The following MEIS3 variants were observed in gnomAD, a reference collection of about 807,000 sequenced individuals.
MEIS3 encodes the protein homeobox protein Meis3.
MEIS3 carries 38 observed loss-of-function variants against 51.4 expected under a neutral mutation model. The ratio of observed to expected loss-of-function variants is 0.74; its 90% CI spans 0.57 to 0.97. MEIS3 has a LOEUF of 0.97. MEIS3 is among the 50% of genes least tolerant of loss of function. MEIS3 has a pLI of 0.00. For synonymous variants in MEIS3, 198 were observed against 201.8 expected (o/e 0.98, Z 0.16); for missense variants, 456 against 502.6 (o/e 0.91, Z 0.89).
chr19:47,415,571 CTCTTTTTT>C (rs1246689711), intron 4 of MEIS3, among the ~76,000 whole-genome samples: 3 of 122,176 alleles, frequency 2.5e-5, no homozygotes, highest in Admixed American at 8.5e-5. Context: ...CTCTCTCTCT[CTCTTTTTT>C]TTTTTTTTTT....
upstream of MEIS3, among the ~76,000 whole-genome samples, chr19:47,420,797 G>A (rs375001090): frequency 3.7e-4 from 56 of 151,498 alleles, 1 homozygote; most frequent in African/African-American, 9.5e-4. Context: ...GGCGGGGGAC[G>A]GAGGGAGCAG....
At chr19:47,410,621 C>A (rs574727125) in intron 6 of MEIS3, among the ~76,000 whole-genome samples, 1 of 151,690 alleles carries the variant, frequency 6.6e-6, no homozygotes, top group East Asian at 1.9e-4. Context: ...AAAAAATTAG[C>A]TGGGCGTGGT....
intron 1 of MEIS3, 138 bp downstream of exon 1, chr19:47,418,932 G>A: frequency 2.1e-6 from 1 of 487,452 alleles, no homozygotes; most frequent in Non-Finnish European, 3.3e-6. Flanking sequence ...AGACCCAGGG[G>A]CGGAGGGAGG....
chr19:47,411,925 C>T (rs985995984), intron 6 of MEIS3, among the ~76,000 whole-genome samples: 4 of 151,844 alleles, frequency 2.6e-5, no homozygotes, highest in Non-Finnish European at 1.5e-5. Flanking sequence ...CTCTCTGCAG[C>T]TTCAAACTCC....
rs569672949 is a variant in MEIS3, at chr19:47,409,375, G to C, written c.709+61C>G. 2.5e-6 allele frequency: 4 copies of C among 1,573,150 alleles called. No homozygotes were observed. The Admixed American group carries it at 5.0e-5, about 20-fold the overall frequency. On this transcript the variant is annotated intron_variant, in intron 7 of 12. Transcript: ENST00000558555. ...CTGCCCCTCTACAAGTCTTACTTGC[G>C]ATCTAACTTCAATCCTCTGGTTGAC...
At chr19:47,414,290 G>A (rs1430624958) in intron 6 of MEIS3, among the ~76,000 whole-genome samples, 4 of 152,154 alleles carry the variant, frequency 2.6e-5, no homozygotes, top group South Asian at 2.1e-4. Context: ...TGGAGCGGGT[G>A]TGTGTATGCA....
Position 47,414,726 on chromosome 19 carries a change from G to A in MEIS3, c.588C>T (p.Leu196=). The A allele has an allele frequency of 6.2e-7, 1 of 1,602,562 alleles. No homozygotes were observed. Among genetic ancestry groups the A allele is most frequent in the Non-Finnish European group, 8.5e-7 (1 of 1,175,276 alleles). ...FEDYPASCPS[L]PDQNNMWIRD... is the part of the protein sequence containing the mutation. ...CCCGTCCCGGGCCCACCTGGTCTGG[G>A]AGGCTGGGGCAGGAGGCTGGGTAGT... The change falls in exon 6 of 13, where the codon CTC becomes CTT. Residue 196 remains leucine, a synonymous_variant. Coordinates refer to ENST00000558555, the MANE Select transcript of MEIS3 (RefSeq NM_001301059.2).
rs200045130 is a variant in MEIS3 at position 47,409,540 on chromosome 19, A to G, written c.605T>C (p.Met202Thr). The G allele has an allele frequency of 6.8e-6, 11 of 1,612,580 alleles. No homozygotes were observed. In the East Asian group the frequency reaches 1.1e-4, roughly 16 times the overall value. ...SCPSLPDQNN[M>T]WIRDHEDSGS... is the part of the protein sequence containing the mutation. ...ACTATCCTCATGGTCTCGAATCCAC[A>G]TATTATTCTAGAAAACAAGAGTTAG... is the stretch of plus-strand genomic sequence containing the variant. The change falls in exon 7 of 13, where the codon ATG becomes ACG. Residue 202 changes from methionine (M) to threonine (T), a missense_variant. Coordinates refer to ENST00000558555, the MANE Select transcript of MEIS3 (RefSeq NM_001301059.2).
chr19:47,407,325 G>GCCCGC, intron 9 of MEIS3, 27 bp downstream of exon 9: 1 of 1,604,478 alleles, frequency 6.2e-7, no homozygotes, highest in Non-Finnish European at 8.5e-7. Flanking sequence ...CCCCGGGCCG[G>GCCCGC]CCCGCGGGCC....
At chr19:47,411,366 C>T (rs990612742) in intron 6 of MEIS3, among the ~76,000 whole-genome samples, 1 of 142,352 alleles carries the variant, frequency 7.0e-6, no homozygotes, top group Admixed American at 7.2e-5. Context: ...GAGTATTTAA[C>T]TAAGTGGAAT....
rs138050868 is a variant in MEIS3 at position 47,410,104 on chromosome 19, T to C, written c.598-557A>G. Among the ~76,000 whole-genome samples, 1,103 of 150,752 alleles carry C rather than the reference T, an allele frequency of 7.3e-3. 14 individuals carry two copies. Among genetic ancestry groups the C allele is most frequent in the African/African-American group, 0.025 (1,029 of 41,048 alleles). ...GGCAGATCACCTGAGGTCGGGCATTTGAGACCAGCCTGGCCAACATGGTGA... is the reference window on the plus strand; with the variant it reads ...GGCAGATCACCTGAGGTCGGGCATTCGAGACCAGCCTGGCCAACATGGTGA... On this transcript the variant is annotated intron_variant, in intron 6 of 12. Coordinates refer to ENST00000558555, the MANE Select transcript of MEIS3 (RefSeq NM_001301059.2).
At chr19:47,404,871 A>G (rs2122454315) in intron 12 of MEIS3, among the ~76,000 whole-genome samples, 1 of 152,354 alleles carries the variant, frequency 6.6e-6, no homozygotes, top group South Asian at 2.1e-4. Flanking sequence ...CCATGAGGGC[A>G]GGGCTGAGGC....
chr19:47,417,891 CTCA>C (rs567659833), intron 1 of MEIS3: 84 of 590,066 alleles, frequency 1.4e-4, no homozygotes, highest in African/African-American at 1.4e-3. Context: ...CACGTGCACA[CTCA>C]TGTGTCAGTC....
chr19:47,409,417 C>G lies in MEIS3; in HGVS notation c.709+19G>C, dbSNP rs1971012168. On this transcript the variant is annotated intron_variant, in intron 7 of 12. Coordinates refer to ENST00000558555, the MANE Select transcript of MEIS3 (RefSeq NM_001301059.2). ...CTGGTTGACTCCCATGTTTCCCTTC[C>G]ACCTCCCAAGATTCTCACCTTGGTC... 6.2e-7 allele frequency: 1 copy of G among 1,604,084 alleles called. No homozygotes were observed. The highest frequency in any genetic ancestry group is 1.3e-5 in the African/African-American group (1 of 74,668).
rs781571471 is a variant in MEIS3 at position 47,415,038 on chromosome 19, G to T, written c.447+13C>A. ...GGGGCAAGTGAGGGTGTGGGGAGGT[G>T]AGACGCGCTCACCTTCTCCAGCTCC... On this transcript the variant is annotated intron_variant, in intron 5 of 12. Coordinates refer to ENST00000558555, the MANE Select transcript of MEIS3 (RefSeq NM_001301059.2). 29 of 1,557,190 alleles carry T rather than the reference G, an allele frequency of 1.9e-5. No homozygotes were observed. The highest frequency in any genetic ancestry group is 1.7e-6 in the Non-Finnish European group (2 of 1,151,348).
chr19:47,420,975 T>TCTCTCTC (rs1568434395), upstream of MEIS3, among the ~76,000 whole-genome samples: 497 of 78,928 alleles, frequency 6.3e-3, 3 homozygotes, highest in African/African-American at 0.019. Context: ...CTCTCTCTCT[T>TCTCTCTC]CCTGGCTGTC....
chr19:47,418,846 A>C, intron 1 of MEIS3: 1 of 383,100 alleles, frequency 2.6e-6, no homozygotes, highest in Non-Finnish European at 4.6e-6. Flanking sequence ...AGGAGAAGCT[A>C]AACGATGGGG....
At chr19:47,415,345 A>G (rs765444453) in intron 4 of MEIS3, among the ~76,000 whole-genome samples, 1 of 152,044 alleles carries the variant, frequency 6.6e-6, no homozygotes, top group Non-Finnish European at 1.5e-5. Flanking sequence ...GAGAAGCAAG[A>G]GACGAAAAAG....
At chr19:47,416,583 C>T (rs1437221494) in intron 4 of MEIS3, 69 bp downstream of exon 4, 3 of 1,325,298 alleles carry the variant, frequency 2.3e-6, no homozygotes, top group Non-Finnish European at 3.1e-6. Flanking sequence ...CCCCACCAAC[C>T]CCAGGGATGG....
Sources: gnomAD v4.1 joint callset for allele counts (sites outside exome capture counted in the v4.1 genomes callset) on GRCh38, gnomAD v4.1.1 for gene constraint, MANE v1.5 for transcripts, NCBI Gene and HGNC (gene_info 2026-07-23, HGNC 2026-07-21) for gene names.